Variants in MCF2L observed in about 807,000 individuals in gnomAD.
MCF2L encodes the protein guanine nucleotide exchange factor DBS.
A neutral mutation model predicts 153.4 loss-of-function variants in MCF2L; 97 were observed. That is an observed-to-expected ratio of 0.63 (90% confidence interval 0.54 to 0.75). The LOEUF (loss-of-function observed/expected upper bound fraction) is 0.75. Ranked by LOEUF, MCF2L falls within the 30% of genes least tolerant of loss-of-function variation. MCF2L has a pLI of 0.00. For missense variants in MCF2L, 1,347 were observed against 1,495.2 expected, an observed-to-expected ratio of 0.90 and a Z score of 1.64; for synonymous variants, 659 against 632.2, an observed-to-expected ratio of 1.04 and a Z score of -0.64.
At chr13:112,913,700 T>C (rs528223390) in intron 2 of MCF2L, among the ~76,000 whole-genome samples, 1 of 152,076 alleles carries the variant, frequency 6.6e-6, no homozygotes, top group South Asian at 2.1e-4. Flanking sequence ...CTTAGTGCCC[T>C]GTGTGGATCA....
chr13:113,007,313 C>A (rs564108677), intron 1 of MCF2L, among the ~76,000 whole-genome samples: 2 of 152,274 alleles, frequency 1.3e-5, no homozygotes, highest in Admixed American at 6.5e-5. Flanking sequence ...CAAGTGCCCC[C>A]CTGCATGACA....
At chr13:113,079,256 C>A (rs72663539) in intron 15 of MCF2L, among the ~76,000 whole-genome samples, 6,259 of 152,288 alleles carry the variant, frequency 0.041, 184 homozygotes, top group Non-Finnish European at 0.059. Context: ...TCTCTTTCCT[C>A]CTTCACCTTT....
At chr13:112,977,745 AC>A (rs1400605438) in intron 1 of MCF2L, among the ~76,000 whole-genome samples, 1 of 152,150 alleles carries the variant, frequency 6.6e-6, no homozygotes, top group Non-Finnish European at 1.5e-5. Context: ...TCCCGTGCGC[AC>A]CGCTCACTGC....
intron 2 of MCF2L, among the ~76,000 whole-genome samples, chr13:112,909,068 T>G (rs1262422337): frequency 6.6e-6 from 1 of 152,162 alleles, no homozygotes; most frequent in African/African-American, 2.4e-5. Flanking sequence ...GCCGAGGGGA[T>G]GATCTGGGTA....
intron 1 of MCF2L, among the ~76,000 whole-genome samples, chr13:112,897,826 G>A (rs888464711): frequency 2.0e-5 from 3 of 152,206 alleles, no homozygotes; most frequent in African/African-American, 7.2e-5. Context: ...AGGTGGAGCC[G>A]TGGTGAGGGT....
chr13:113,050,476 G>A (rs1431083902), intron 4 of MCF2L, among the ~76,000 whole-genome samples: 2 of 151,176 alleles, frequency 1.3e-5, no homozygotes, highest in African/African-American at 2.4e-5. Flanking sequence ...CTGTAACGCC[G>A]GTGCAGTCTG....
At chr13:113,051,979 A>G (rs1001256590) in intron 4 of MCF2L, among the ~76,000 whole-genome samples, 1 of 152,186 alleles carries the variant, frequency 6.6e-6, no homozygotes, top group African/African-American at 2.4e-5. Flanking sequence ...CAATGCTGCC[A>G]TGAGTTTCGA....
intron 1 of MCF2L, among the ~76,000 whole-genome samples, chr13:113,007,687 A>G (rs1276033049): frequency 6.6e-6 from 1 of 152,208 alleles, no homozygotes. Context: ...CGGCGGCCTC[A>G]GTCACTGTCC....
chr13:112,896,906 T>C (rs1488283733), intron 1 of MCF2L, among the ~76,000 whole-genome samples: 2 of 152,296 alleles, frequency 1.3e-5, no homozygotes, highest in East Asian at 1.9e-4. Flanking sequence ...CAGTGGTGTT[T>C]CTAGGTTCCA....
chr13:112,985,923 G>C, intron 1 of MCF2L, among the ~76,000 whole-genome samples: 1 of 152,280 alleles, frequency 6.6e-6, no homozygotes, highest in South Asian at 2.1e-4. Flanking sequence ...GATCGGCCCC[G>C]GCACACCGAA....
intron 1 of MCF2L, among the ~76,000 whole-genome samples, chr13:112,996,811 C>A (rs1029750229): frequency 6.6e-6 from 1 of 152,232 alleles, no homozygotes; most frequent in Non-Finnish European, 1.5e-5. Context: ...GTGCCGCCCA[C>A]GGCACCTGGA....
chr13:113,040,251 C>T (rs1389073585), intron 3 of MCF2L: 1 of 152,224 alleles, frequency 6.6e-6, no homozygotes, highest in African/African-American at 2.4e-5. Context: ...TGGGCACTCG[C>T]TGCCGTCACT....
intron 2 of MCF2L, among the ~76,000 whole-genome samples, chr13:113,017,569 T>G (rs2084611321): frequency 6.6e-6 from 1 of 152,238 alleles, no homozygotes; most frequent in Non-Finnish European, 1.5e-5. Context: ...GGACGTGCCT[T>G]TCAGGGGCCG....
At position 113,095,049 on chromosome 13, in the gene MCF2L, T is replaced by G. The variant is rs113438034; in HGVS notation, c.3075+414T>G. On this transcript the variant is annotated intron_variant, in intron 27 of 29. Coordinates refer to ENST00000535094, the MANE Select transcript of MCF2L (RefSeq NM_001112732.3). ...ACAGTCCCCACCCCCCTACCCTTTA[T>G]GTCATAGAATGCTGTCACTGAGCCT... 4,853 of 1,370,548 alleles carry G rather than the reference T, an allele frequency of 3.5e-3. 152 individuals are homozygous for G. In the African/African-American group the frequency reaches 0.064, roughly 18 times the overall value. 84.9% of individuals were successfully genotyped at this position (1,370,548 alleles called of 1,614,324 possible).
chr13:113,060,766 C>A, intron 5 of MCF2L, 54 bp downstream of exon 5: 1 of 1,594,608 alleles, frequency 6.3e-7, no homozygotes. Context: ...CATTGCCGTC[C>A]TGGCCCATCT....
At chr13:112,935,438 G>A (rs1025765391) in intron 2 of MCF2L, among the ~76,000 whole-genome samples, 1 of 152,136 alleles carries the variant, frequency 6.6e-6, no homozygotes, top group Non-Finnish European at 1.5e-5. Flanking sequence ...TGTATTTTTA[G>A]TAGAGATGGG....
chr13:113,073,635 C>A (rs1031777237), intron 9 of MCF2L, among the ~76,000 whole-genome samples: 1 of 152,176 alleles, frequency 6.6e-6, no homozygotes, highest in Non-Finnish European at 1.5e-5. Context: ...AAAAATCAGG[C>A]CAGGCATGGT....
intron 1 of MCF2L, among the ~76,000 whole-genome samples, chr13:113,012,730 A>G (rs61967109): frequency 0.051 from 2,243 of 44,064 alleles, 5 homozygotes; most frequent in East Asian, 0.22. Flanking sequence ...GTGGACAGGC[A>G]GTGTGGACGG....
At chr13:113,038,343 T>C (rs575385930) in intron 3 of MCF2L, among the ~76,000 whole-genome samples, 17 of 151,960 alleles carry the variant, frequency 1.1e-4, no homozygotes, top group Middle Eastern at 3.4e-3. Flanking sequence ...TGGGCACCTG[T>C]AGTCCCAGCT....
Sources: allele counts gnomAD v4.1 joint callset (sites outside exome capture counted in the v4.1 genomes callset), GRCh38; gene constraint gnomAD v4.1.1; transcripts MANE v1.5; gene names NCBI Gene and HGNC (gene_info 2026-07-23, HGNC 2026-07-21).